The following ACOXL variants were observed in gnomAD, a reference collection of about 807,000 sequenced individuals.
ACOXL encodes the protein acyl-coenzyme A oxidase-like protein.
A neutral mutation model predicts 71.9 loss-of-function variants in ACOXL; 70 were observed. The observed-to-expected ratio is 0.97, with a 90% CI of 0.80 to 1.19. ACOXL has a LOEUF of 1.19. Among genes scored for constraint, ACOXL ranks in the 50% most tolerant of loss-of-function variants. ACOXL has a pLI of 0.00. For synonymous variants in ACOXL, 253 were observed against 281.6 expected (o/e 0.90, Z 1.02); for missense variants, 703 against 736.3 (o/e 0.95, Z 0.52).
rs2062971613 is a variant in ACOXL at position 110,987,193 on chromosome 2, CTG to C, written c.1148_1149del (p.Val383GlyfsTer12). 1 of 1,576,004 alleles carries C rather than the reference CTG, an allele frequency of 6.3e-7. No individual in the cohort carries two copies. Among genetic ancestry groups the C allele is most frequent in the South Asian group, 1.2e-5 (1 of 86,274 alleles). ...GGCCTGCTCCAAAACTGGGCTGAATCTGTGGGGGACAAGCTGAGAACCAGGTA... is the reference window on the plus strand; with the variant it reads ...GGCCTGCTCCAAAACTGGGCTGAATCTGGGGGACAAGCTGAGAACCAGGTA... On this transcript the variant is annotated frameshift_variant, in exon 13 of 18. Transcript: ENST00000439055. LOFTEE classifies it high-confidence loss of function.
chr2:110,873,290 C>G (rs1228848221), intron 10 of ACOXL, among the ~76,000 whole-genome samples: 1 of 151,966 alleles, frequency 6.6e-6, no homozygotes, highest in African/African-American at 2.4e-5. Context: ...CGTTTGATGC[C>G]TGGGAGTCCA....
intron 1 of ACOXL, among the ~76,000 whole-genome samples, chr2:110,755,309 A>C (rs1233964774): frequency 1.3e-5 from 2 of 152,190 alleles, no homozygotes; most frequent in Non-Finnish European, 2.9e-5. Flanking sequence ...ATATTTGCCT[A>C]ATCTCCATAT....
At chr2:111,110,556 C>T (rs890463472) in intron 17 of ACOXL, among the ~76,000 whole-genome samples, 8 of 152,140 alleles carry the variant, frequency 5.3e-5, no homozygotes, top group Non-Finnish European at 1.0e-4. Context: ...GGAGTTCTTC[C>T]CAATTCCAGT....
intron 16 of ACOXL, among the ~76,000 whole-genome samples, chr2:111,064,342 A>T (rs529204935): frequency 2.7e-5 from 4 of 148,266 alleles, no homozygotes; most frequent in Admixed American, 6.9e-5. Context: ...AGGCTGAGGC[A>T]GGAGAATGGC....
intron 12 of ACOXL, among the ~76,000 whole-genome samples, chr2:110,948,774 G>C (rs1157934415): frequency 6.6e-6 from 1 of 150,878 alleles, no homozygotes; most frequent in African/African-American, 2.4e-5. Context: ...CTCAGCCCTA[G>C]GCGGGACTCG....
intron 1 of ACOXL, among the ~76,000 whole-genome samples, chr2:110,733,408 G>C (rs1676438997): frequency 6.6e-6 from 1 of 152,194 alleles, no homozygotes; most frequent in Non-Finnish European, 1.5e-5. Flanking sequence ...ACTGGAGATA[G>C]AGAGATGGTT....
At chr2:111,064,301 T>G (rs946638245) in intron 16 of ACOXL, among the ~76,000 whole-genome samples, 1 of 152,016 alleles carries the variant, frequency 6.6e-6, no homozygotes, top group Non-Finnish European at 1.5e-5. Context: ...CCGGGCGTGG[T>G]GGCGGGCACC....
chr2:110,803,115 CAATA>C (rs1420570202), intron 8 of ACOXL, among the ~76,000 whole-genome samples: 2 of 152,060 alleles, frequency 1.3e-5, no homozygotes, highest in Admixed American at 6.6e-5. Flanking sequence ...AAAATGGAAA[CAATA>C]AAAGCATCTT....
intron 12 of ACOXL, chr2:110,968,625 G>A: frequency 1.1e-6 from 1 of 914,900 alleles, no homozygotes; most frequent in Non-Finnish European, 1.7e-6. Context: ...AAGAAGAGGT[G>A]GAACTGTCCC....
rs6713853 is a variant in ACOXL, at chr2:110,944,746, T to C, written c.1059+11104T>C. ...CACATTTTCTTTATCCAGTCTATTA[T>C]TGATGGGCATTTAGGTTGATTTTAT... On this transcript the variant is annotated intron_variant, in intron 12 of 17. Coordinates refer to ENST00000439055, the MANE Select transcript of ACOXL (RefSeq NM_001142807.4). 2.3e-3 allele frequency among the ~76,000 whole-genome samples: 357 copies of C among 152,336 alleles called. 3 individuals are homozygous for C. Among genetic ancestry groups the C allele is most frequent in the African/African-American group, 7.6e-3 (316 of 41,582 alleles).
intron 2 of ACOXL, among the ~76,000 whole-genome samples, chr2:110,781,570 A>G (rs990019800): frequency 6.6e-6 from 1 of 152,038 alleles, no homozygotes; most frequent in Non-Finnish European, 1.5e-5. Flanking sequence ...TCACCCTGGG[A>G]GGTGGAGGTT....
chr2:110,968,635 C>CAA, intron 12 of ACOXL: 1 of 929,914 alleles, frequency 1.1e-6, no homozygotes, highest in Non-Finnish European at 1.6e-6. Flanking sequence ...GGAACTGTCC[C>CAA]AAAATGTCCA....
chr2:110,753,490 T>TG (rs1397512917), intron 1 of ACOXL, among the ~76,000 whole-genome samples: 1 of 152,202 alleles, frequency 6.6e-6, no homozygotes, highest in Non-Finnish European at 1.5e-5. Context: ...CCAGAGCAAG[T>TG]GACCCACAAG....
rs987944883 is a variant in ACOXL at position 110,857,667 on chromosome 2, A to T, written c.788+16262A>T. On this transcript the variant is annotated intron_variant, in intron 10 of 17. Coordinates refer to ENST00000439055, the MANE Select transcript of ACOXL (RefSeq NM_001142807.4). Reference sequence around the variant, plus strand: ...TTTAGTTCACCCTATCCTCCCTTTTATCTCTGGCTAGAGTATTTTATTTAT... The same window carrying T: ...TTTAGTTCACCCTATCCTCCCTTTTTTCTCTGGCTAGAGTATTTTATTTAT... Among the ~76,000 whole-genome samples the T allele has an allele frequency of 2.0e-5, 3 of 152,154 alleles. No individual in the cohort carries two copies. In the East Asian group the frequency reaches 5.8e-4, roughly 29 times the overall value.
intron 16 of ACOXL, among the ~76,000 whole-genome samples, chr2:111,083,508 CAT>C (rs1314718435): frequency 6.6e-6 from 1 of 151,934 alleles, no homozygotes. Flanking sequence ...TGTGTGATAA[CAT>C]GTGCAAGGTG....
chr2:110,778,277 GA>G (rs1173608979), intron 2 of ACOXL, among the ~76,000 whole-genome samples: 1 of 152,140 alleles, frequency 6.6e-6, no homozygotes, highest in Non-Finnish European at 1.5e-5. Flanking sequence ...CCATAACTGG[GA>G]AAAATGCTGA....
intron 1 of ACOXL, among the ~76,000 whole-genome samples, chr2:110,738,583 C>A (rs1244410593): frequency 1.3e-5 from 2 of 152,110 alleles, no homozygotes; most frequent in African/African-American, 4.8e-5. Context: ...CTTTCTGCAC[C>A]TTGATCTGTT....
intron 10 of ACOXL, among the ~76,000 whole-genome samples, chr2:110,844,216 A>T (rs1194958324): frequency 6.6e-6 from 1 of 152,228 alleles, no homozygotes; most frequent in East Asian, 1.9e-4. Flanking sequence ...ACCGAGGAGC[A>T]TGTGACCTGC....
At chr2:111,060,662 A>G (rs771065749) in intron 16 of ACOXL, among the ~76,000 whole-genome samples, 5 of 152,244 alleles carry the variant, frequency 3.3e-5, no homozygotes, top group Non-Finnish European at 7.3e-5. Flanking sequence ...GAAAAAAGCC[A>G]TCGGTAGACA....
Sources: gnomAD v4.1 joint callset for allele counts (sites outside exome capture counted in the v4.1 genomes callset) on GRCh38, gnomAD v4.1.1 for gene constraint, MANE v1.5 for transcripts, NCBI Gene and HGNC (gene_info 2026-07-23, HGNC 2026-07-21) for gene names.